Variants in DGKB observed in about 807,000 individuals in gnomAD.
DGKB encodes the protein 90 kDa diacylglycerol kinase.
In DGKB, 67 loss-of-function variants were observed where a neutral mutation model predicts 114.3. The ratio of observed to expected loss-of-function variants is 0.59; its 90% CI spans 0.48 to 0.72. The LOEUF is 0.72. DGKB is among the 30% of genes least tolerant of loss of function. DGKB has a pLI of 0.00. For synonymous variants in DGKB, 398 were observed against 323.1 expected, an observed-to-expected ratio of 1.23 and a Z score of -2.49; for missense variants, 907 against 975.2, an observed-to-expected ratio of 0.93 and a Z score of 0.93.
chr7:14,532,349 T>C lies in DGKB; in HGVS notation c.1770+41863A>G, dbSNP rs545566985. 4.6e-5 allele frequency among the ~76,000 whole-genome samples: 7 copies of C among 151,442 alleles called. No homozygotes were observed. In the East Asian group the frequency reaches 1.4e-3, roughly 29 times the overall value. On this transcript the variant is annotated intron_variant, in intron 20 of 25. Coordinates refer to ENST00000402815, the MANE Select transcript of DGKB (RefSeq NM_001350709.2). ...GAATCAAATGTCAGAGATTGTCAGC[T>C]AGGATACAAAACAAGATCTAACTAT... is the stretch of plus-strand genomic sequence containing the variant.
chr7:14,159,089 C>G (rs908626933), intron 25 of DGKB, among the ~76,000 whole-genome samples: 2 of 152,154 alleles, frequency 1.3e-5, no homozygotes, highest in African/African-American at 4.8e-5. Flanking sequence ...GTTGAAACCT[C>G]TCTTTACTTC....
At chr7:14,447,664 A>C (rs1830910288) in intron 21 of DGKB, among the ~76,000 whole-genome samples, 1 of 152,126 alleles carries the variant, frequency 6.6e-6, no homozygotes, top group African/African-American at 2.4e-5. Context: ...AGCTAGGAAC[A>C]TGTCCGGATC....
At chr7:14,729,123 C>CTTTCTTTTTTTTTTTTT (rs1463141725) in intron 5 of DGKB, among the ~76,000 whole-genome samples, 25 of 113,370 alleles carry the variant, frequency 2.2e-4, no homozygotes, top group South Asian at 2.8e-4. Context: ...CATTTTCTTT[C>CTTTCTTTTTTTTTTTTT]TTTTTTTTTT....
chr7:14,187,522 G>A (rs191525178), intron 23 of DGKB, among the ~76,000 whole-genome samples: 37 of 152,216 alleles, frequency 2.4e-4, no homozygotes, highest in East Asian at 1.7e-3. Context: ...CCAGCCTAGC[G>A]CTCCTGTCCT....
intron 1 of DGKB, among the ~76,000 whole-genome samples, chr7:14,933,674 A>T (rs1785141945): frequency 6.6e-6 from 1 of 152,202 alleles, no homozygotes; most frequent in South Asian, 2.1e-4. Context: ...TAAAAAAGCA[A>T]CTAAGGTCTT....
chr7:14,457,184 A>G (rs1832403639), intron 21 of DGKB, among the ~76,000 whole-genome samples: 1 of 152,196 alleles, frequency 6.6e-6, no homozygotes, highest in Non-Finnish European at 1.5e-5. Flanking sequence ...AAATAATATG[A>G]TATCATAGTG....
chr7:14,625,142 G>T (rs1808348414), intron 14 of DGKB, among the ~76,000 whole-genome samples: 1 of 152,060 alleles, frequency 6.6e-6, no homozygotes, highest in Admixed American at 6.6e-5. Flanking sequence ...GTATCCATCT[G>T]TCTGTGTATT....
chr7:14,520,544 A>G (rs1160442743), intron 20 of DGKB, among the ~76,000 whole-genome samples: 1 of 151,816 alleles, frequency 6.6e-6, no homozygotes, highest in Admixed American at 6.6e-5. Flanking sequence ...TTCAGGTAAA[A>G]ATATGTTTTA....
At chr7:14,871,492 C>A (rs1852449191) in intron 1 of DGKB, among the ~76,000 whole-genome samples, 1 of 152,076 alleles carries the variant, frequency 6.6e-6, no homozygotes, top group African/African-American at 2.4e-5. Context: ...AATTTACTAT[C>A]CACAGAGTCA....
chr7:14,610,261 T>C (rs1470265630), intron 16 of DGKB, among the ~76,000 whole-genome samples: 1 of 151,994 alleles, frequency 6.6e-6, no homozygotes, highest in Non-Finnish European at 1.5e-5. Context: ...CTAAGAGAAT[T>C]AACACAGAAA....
chr7:14,198,744 C>T (rs1236245837), intron 23 of DGKB, among the ~76,000 whole-genome samples: 1 of 151,778 alleles, frequency 6.6e-6, no homozygotes, highest in East Asian at 1.9e-4. Context: ...ACAGTGTATC[C>T]TAGATATTGT....
At chr7:14,615,720 CATT>C (rs1806386635) in intron 15 of DGKB, among the ~76,000 whole-genome samples, 2 of 151,702 alleles carry the variant, frequency 1.3e-5, no homozygotes, top group Non-Finnish European at 3.0e-5. Flanking sequence ...ATACTTCTCT[CATT>C]ATTGAGTATG....
intron 23 of DGKB, among the ~76,000 whole-genome samples, chr7:14,189,717 C>A (rs1312073133): frequency 1.3e-5 from 2 of 152,040 alleles, no homozygotes. Context: ...AAAAGATATT[C>A]CGTGCAAACA....
At chr7:14,903,896 G>A (rs1406793933), upstream of DGKB, among the ~76,000 whole-genome samples, 2 of 152,098 alleles carry the variant, frequency 1.3e-5, no homozygotes, top group Non-Finnish European at 2.9e-5. Context: ...TAGAAGTCCC[G>A]TGGTTGCTCT....
At chr7:14,550,125 T>TA (rs1422070830) in intron 20 of DGKB, among the ~76,000 whole-genome samples, 1 of 152,178 alleles carries the variant, frequency 6.6e-6, no homozygotes, top group Non-Finnish European at 1.5e-5. Context: ...GTATTACAGA[T>TA]AAAAACAAAT....
intron 21 of DGKB, among the ~76,000 whole-genome samples, chr7:14,385,188 G>C (rs145906058): frequency 6.6e-6 from 1 of 151,942 alleles, no homozygotes; most frequent in Non-Finnish European, 1.5e-5. Context: ...ACAATGTCAC[G>C]CATGCTGTAT....
chr7:14,210,596 TC>T (rs539011189), intron 23 of DGKB, among the ~76,000 whole-genome samples: 125 of 152,174 alleles, frequency 8.2e-4, no homozygotes, highest in African/African-American at 2.9e-3. Context: ...TCAGAATGAA[TC>T]AATGTGGTCG....
chr7:14,832,610 A>G (rs1846578930), intron 2 of DGKB, among the ~76,000 whole-genome samples: 1 of 152,062 alleles, frequency 6.6e-6, no homozygotes, highest in African/African-American at 2.4e-5. Flanking sequence ...GTTCAATCTC[A>G]TTTTTTGAAA....
chr7:14,226,310 C>A (rs1429128665), intron 23 of DGKB, among the ~76,000 whole-genome samples: 1 of 151,762 alleles, frequency 6.6e-6, no homozygotes, highest in South Asian at 2.1e-4. Flanking sequence ...TTATTTCTGA[C>A]CTGATATGAA....
Sources: allele counts gnomAD v4.1 joint callset (sites outside exome capture counted in the v4.1 genomes callset), GRCh38; gene constraint gnomAD v4.1.1; transcripts MANE v1.5; gene names NCBI Gene and HGNC (gene_info 2026-07-23, HGNC 2026-07-21).